The following FGF13 variants were observed in gnomAD, a reference collection of about 807,000 sequenced individuals.
FGF13 encodes the protein fibroblast growth factor homologous factor 2.
FGF13 carries 2 observed loss-of-function variants against 19.5 expected under a neutral mutation model. That is an observed-to-expected ratio of 0.10 (90% CI 0.04 to 0.32). The LOEUF is 0.32. FGF13 is among the 10% of genes least tolerant of loss of function. FGF13 has a pLI of 1.00. For missense variants in FGF13, 113 were observed against 192.7 expected (o/e 0.59, Z 2.45); for synonymous variants, 72 against 76.9 (o/e 0.94, Z 0.33).
chrX:138,788,834 A>G (rs769439707), intron 3 of FGF13, among the ~76,000 whole-genome samples: 3 of 112,025 alleles, frequency 2.7e-5, no homozygotes, highest in Non-Finnish European at 3.8e-5. Context: ...CAAATCTTTA[A>G]GTTCTAGTTC....
rs913536945 is a variant in FGF13, at chrX:138,810,916, A to C, written c.217+46596T>G. On this transcript the variant is annotated intron_variant, in intron 3 of 6. Coordinates refer to the FGF13 transcript ENST00000436198. ...TGAGATACCATCTCACACCAGTTAG[A>C]ATGGCAATCATTAAAAAGTCAGGAA... Among the ~76,000 whole-genome samples the C allele has an allele frequency of 6.3e-5, 7 of 111,815 alleles. No individual in the cohort carries two copies. The Admixed American group carries it at 6.6e-4, about 11-fold the overall frequency.
chrX:139,015,136 C>T (rs937121785), intron 1 of FGF13, among the ~76,000 whole-genome samples: 5 of 110,852 alleles, frequency 4.5e-5, no homozygotes, highest in Non-Finnish European at 7.6e-5. Context: ...AAACTGATAG[C>T]TTTTCTTTCA....
intron 1 of FGF13, among the ~76,000 whole-genome samples, chrX:139,051,904 G>A (rs2092304060): frequency 8.9e-6 from 1 of 112,426 alleles, no homozygotes; most frequent in East Asian, 2.8e-4. Flanking sequence ...ATCCAACAAT[G>A]GAATATCCCA....
At chrX:138,663,993 G>T (rs1325639939) in intron 3 of FGF13, among the ~76,000 whole-genome samples, 1 of 111,545 alleles carries the variant, frequency 9.0e-6, no homozygotes, top group Non-Finnish European at 1.9e-5. Context: ...GGTATTCTTT[G>T]TCATCTGATC....
At chrX:138,773,070 T>C (rs1374234880) in intron 3 of FGF13, among the ~76,000 whole-genome samples, 1 of 110,269 alleles carries the variant, frequency 9.1e-6, no homozygotes, top group African/African-American at 3.3e-5. Flanking sequence ...AAATAATATA[T>C]TTAAAAATGC....
At position 138,621,547 on chromosome X, in the gene FGF13, C is replaced by T. The variant is rs2089015667; in HGVS notation, c.*11303G>A. 9.1e-6 allele frequency: 1 copy of T among 109,469 alleles called. No individual in the cohort carries two copies. The highest frequency in any genetic ancestry group is 9.7e-5 in the Admixed American group (1 of 10,293). The allele number at this position is 109,469 out of a possible 1,213,427, so 9.0% of individuals were successfully genotyped here. A position where few individuals can be genotyped will look rare whatever the true frequency, so the allele number is the denominator to read the frequency against. On this transcript the variant is annotated 3_prime_UTR_variant, in exon 5 of 5. Coordinates refer to ENST00000315930, the MANE Select transcript of FGF13 (RefSeq NM_004114.5). ...CGACCTAACTTTACACCTCAAGGAA[C>T]TATAAAAGAACCATAAACTAATCCC...
chrX:138,734,126 T>C (rs1054958889), intron 1 of FGF13, among the ~76,000 whole-genome samples: 1 of 111,806 alleles, frequency 8.9e-6, no homozygotes, highest in South Asian at 3.7e-4. Context: ...ACTATTATTG[T>C]AGGTTCTCAC....
intron 1 of FGF13, among the ~76,000 whole-genome samples, chrX:139,021,987 A>G (rs2092179886): frequency 8.9e-6 from 1 of 111,992 alleles, no homozygotes; most frequent in African/African-American, 3.2e-5. Flanking sequence ...TATCCATATT[A>G]GATTCTTTCT....
chrX:138,984,496 A>AGAC, intron 1 of FGF13, among the ~76,000 whole-genome samples: 1 of 4,863 alleles, frequency 2.1e-4, no homozygotes, highest in Admixed American at 1.3e-3. Flanking sequence ...AAGGAGAAGG[A>AGAC]GAAGGAGAAG....
Position 138,784,853 on chromosome X carries a change from C to G in FGF13, c.217+72659G>C, listed in dbSNP as rs1602848077. ...TCACACACATCTGCCTTGCAAAGCC[C>G]CAACTCTAGTTAACTCTACTCTCTT... On this transcript the variant is annotated intron_variant, in intron 3 of 6. Transcript: ENST00000436198. Among the ~76,000 whole-genome samples the G allele has an allele frequency of 5.4e-5, 6 of 111,824 alleles. 1 individual carries two copies. In the Admixed American group the frequency reaches 5.7e-4, roughly 11 times the overall value.
At chrX:139,131,163 T>C (rs2083757427) in intron 1 of FGF13, among the ~76,000 whole-genome samples, 1 of 111,135 alleles carries the variant, frequency 9.0e-6, no homozygotes, top group Admixed American at 9.6e-5. Context: ...TTAAAAACAG[T>C]TTATGAGAGA....
chrX:139,003,510 C>G (rs2092084719), intron 1 of FGF13, among the ~76,000 whole-genome samples: 1 of 111,871 alleles, frequency 8.9e-6, no homozygotes, highest in South Asian at 3.8e-4. Flanking sequence ...CCACCCACAT[C>G]CTGCTGATTG....
Position 138,627,514 on chromosome X carries a change from C to A in FGF13, c.*5336G>T, listed in dbSNP as rs1475140751. 9.3e-6 allele frequency: 1 copy of A among 107,932 alleles called. No individual in the cohort carries two copies. Among genetic ancestry groups the A allele is most frequent in the Non-Finnish European group, 1.9e-5 (1 of 52,399 alleles). The allele number at this position is 107,932 out of a possible 1,213,427, so 8.9% of individuals were successfully genotyped here. ...TTTGAACTTGACTGCTCCATTCTCC[C>A]AACTGAATAGACATATGATCAACCT... On this transcript the variant is annotated 3_prime_UTR_variant, in exon 5 of 5. Transcript: ENST00000315930.
intron 1 of FGF13, among the ~76,000 whole-genome samples, chrX:139,005,837 A>G (rs2092098971): frequency 2.8e-5 from 3 of 107,211 alleles, no homozygotes; most frequent in Admixed American, 1.0e-4. Flanking sequence ...GCAGAAGACA[A>G]AATTAGTGAA....
chrX:138,729,832 A>T (rs1457822940), intron 1 of FGF13, among the ~76,000 whole-genome samples: 1 of 111,466 alleles, frequency 9.0e-6, no homozygotes, highest in Non-Finnish European at 1.9e-5. Flanking sequence ...AATAAGAGAG[A>T]TATATAACTG....
intron 3 of FGF13, among the ~76,000 whole-genome samples, chrX:138,648,837 C>T (rs576758282): frequency 9.0e-6 from 1 of 111,562 alleles, no homozygotes; most frequent in East Asian, 2.8e-4. Context: ...TCAGAAACCT[C>T]CAGGCTCAGC....
intron 3 of FGF13, among the ~76,000 whole-genome samples, chrX:138,830,687 T>TTGTGTGTGTGTGTGTGTGTGTG (rs144759178): frequency 6.4e-4 from 56 of 87,518 alleles, no homozygotes; most frequent in Non-Finnish European, 1.1e-3. Context: ...AAAGGGGTGT[T>TTGTGTGTGTGTGTGTGTGTGTG]TGTGTGTGTG....
intron 1 of FGF13, among the ~76,000 whole-genome samples, chrX:138,984,707 GAGAAGGAGGAGGAGAAC>G (rs375611805): frequency 1.2e-3 from 18 of 14,794 alleles, no homozygotes; most frequent in East Asian, 7.1e-3. Context: ...AGAAGAAGAA[GAGAAGGAGGAGGAGAAC>G]AAGAAGAAGA....
chrX:138,829,243 C>T (rs1009953330), intron 3 of FGF13, among the ~76,000 whole-genome samples: 3 of 111,644 alleles, frequency 2.7e-5, no homozygotes, highest in African/African-American at 9.8e-5. Context: ...AAAATTTCAT[C>T]CCCAGTATGG....
Sources: allele counts gnomAD v4.1 joint callset (sites outside exome capture counted in the v4.1 genomes callset), GRCh38; gene constraint gnomAD v4.1.1; transcripts MANE v1.5; gene names NCBI Gene and HGNC (gene_info 2026-07-23, HGNC 2026-07-21).